The following ADGRB3 variants were observed in gnomAD, a reference collection of about 807,000 sequenced individuals.
The protein encoded by ADGRB3 is adhesion G protein-coupled receptor B3, also known as brain-specific angiogenesis inhibitor 3.
In ADGRB3, 37 loss-of-function variants were observed where a neutral mutation model predicts 193.4. That is an observed-to-expected ratio of 0.19 (90% CI 0.15 to 0.25). The LOEUF is 0.25. Ranked by LOEUF, ADGRB3 falls within the 10% of genes least tolerant of loss-of-function variation. The pLI, the probability that ADGRB3 is intolerant of heterozygous loss-of-function variation, is 1.00. For missense variants in ADGRB3, 1,637 were observed against 1,852.9 expected (o/e 0.88, Z 2.14); for synonymous variants, 690 against 644.2 (o/e 1.07, Z -1.08).
intron 28 of ADGRB3, among the ~76,000 whole-genome samples, chr6:69,360,429 C>A (rs762451875): frequency 1.3e-5 from 2 of 151,680 alleles, no homozygotes; most frequent in Non-Finnish European, 2.9e-5. Flanking sequence ...TTTTAATGAG[C>A]GTAACTTCTA....
At chr6:68,749,791 T>C (rs1299974262) in intron 3 of ADGRB3, among the ~76,000 whole-genome samples, 1 of 152,180 alleles carries the variant, frequency 6.6e-6, no homozygotes, top group Non-Finnish European at 1.5e-5. Flanking sequence ...CAAAATAGTC[T>C]GTATCTGGCA....
rs558610616 is a variant in ADGRB3 at position 69,208,384 on chromosome 6, C to T, written c.2481-24906C>T. 4.5e-4 allele frequency among the ~76,000 whole-genome samples: 68 copies of T among 152,350 alleles called. 1 individual carries two copies. Among genetic ancestry groups the T allele is most frequent in the African/African-American group, 1.5e-3 (64 of 41,590 alleles). On this transcript the variant is annotated intron_variant, in intron 17 of 31. Coordinates refer to ENST00000370598, the MANE Select transcript of ADGRB3 (RefSeq NM_001704.3). ...CACCAGTGTTCCAATCATGCTTCTTCCAAGTCCCTGACCATTCAGCCAAAC... is the reference window on the plus strand; with the variant it reads ...CACCAGTGTTCCAATCATGCTTCTTTCAAGTCCCTGACCATTCAGCCAAAC...
At chr6:68,657,886 A>G (rs551241385) in intron 3 of ADGRB3, among the ~76,000 whole-genome samples, 46 of 151,482 alleles carry the variant, frequency 3.0e-4, no homozygotes, top group Non-Finnish European at 5.0e-4. Context: ...ACTTAACCCC[A>G]AATGTATAAA....
intron 17 of ADGRB3, among the ~76,000 whole-genome samples, chr6:69,183,994 C>T (rs761262430): frequency 1.3e-5 from 2 of 152,016 alleles, no homozygotes; most frequent in Non-Finnish European, 2.9e-5. Context: ...TTCACAAAAA[C>T]TCAAGTGTGA....
intron 23 of ADGRB3, chr6:69,331,796 A>G (rs1281449109): frequency 3.0e-6 from 3 of 985,202 alleles, no homozygotes; most frequent in African/African-American, 1.7e-5. Flanking sequence ...AGGGGTGACA[A>G]ATTCCCTTAT....
intron 22 of ADGRB3, among the ~76,000 whole-genome samples, chr6:69,328,730 T>G (rs1386719339): frequency 6.6e-6 from 1 of 152,182 alleles, no homozygotes; most frequent in Non-Finnish European, 1.5e-5. Context: ...TCTGAAAAGT[T>G]TAAGACGCTC....
Position 69,189,395 on chromosome 6 carries a change from G to A in ADGRB3, c.2481-43895G>A, listed in dbSNP as rs576137831. Among the ~76,000 whole-genome samples, 9 of 152,230 alleles carry A rather than the reference G, an allele frequency of 5.9e-5. No individual in the cohort carries two copies. In the South Asian group the frequency reaches 1.9e-3, roughly 32 times the overall value. On this transcript the variant is annotated intron_variant, in intron 17 of 31. Transcript: ENST00000370598. Reference sequence around the variant, plus strand: ...AATTTCTACTTTTGTCCACATTGATGCTGTTTCATATTAAAGATTTTGAAT... The same window carrying A: ...AATTTCTACTTTTGTCCACATTGATACTGTTTCATATTAAAGATTTTGAAT...
intron 20 of ADGRB3, among the ~76,000 whole-genome samples, chr6:69,324,064 A>G (rs763488217): frequency 1.4e-4 from 21 of 152,142 alleles, no homozygotes; most frequent in South Asian, 6.2e-4. Context: ...TTTATAAAGC[A>G]ATTATACCAA....
intron 3 of ADGRB3, among the ~76,000 whole-genome samples, chr6:68,760,264 C>A (rs1356687683): frequency 6.6e-6 from 1 of 152,162 alleles, no homozygotes; most frequent in Non-Finnish European, 1.5e-5. Context: ...CATACACATA[C>A]ACACATACAC....
At chr6:69,221,521 T>C (rs1007382117) in intron 17 of ADGRB3, among the ~76,000 whole-genome samples, 24 of 152,068 alleles carry the variant, frequency 1.6e-4, no homozygotes, top group Non-Finnish European at 2.4e-4. Context: ...GTGCTTCTTC[T>C]GTGAACGCTT....
At chr6:68,937,472 T>C (rs796574323) in intron 5 of ADGRB3, among the ~76,000 whole-genome samples, 4 of 152,324 alleles carry the variant, frequency 2.6e-5, no homozygotes, top group African/African-American at 7.2e-5. Flanking sequence ...ATTTATCTTT[T>C]TGTCTAACCA....
At chr6:69,204,308 C>T (rs1418389997) in intron 17 of ADGRB3, among the ~76,000 whole-genome samples, 79 of 151,970 alleles carry the variant, frequency 5.2e-4, no homozygotes, top group Non-Finnish European at 1.0e-4. Context: ...TTTCCTGCAA[C>T]ACTAATAAAA....
intron 3 of ADGRB3, among the ~76,000 whole-genome samples, chr6:68,887,967 C>T (rs1270542060): frequency 2.6e-5 from 4 of 152,168 alleles, no homozygotes; most frequent in Non-Finnish European, 4.4e-5. Flanking sequence ...GAGTTTTCAC[C>T]CTTCTCATAT....
chr6:68,896,681 GA>G (rs1235851623), intron 3 of ADGRB3, among the ~76,000 whole-genome samples: 1 of 152,112 alleles, frequency 6.6e-6, no homozygotes, highest in Non-Finnish European at 1.5e-5. Flanking sequence ...TCAATTAGGG[GA>G]AAGAGAAAGG....
At chr6:68,924,259 G>T (rs1431930593) in intron 3 of ADGRB3, among the ~76,000 whole-genome samples, 1 of 151,968 alleles carries the variant, frequency 6.6e-6, no homozygotes, top group Non-Finnish European at 1.5e-5. Context: ...ATGAATTCTT[G>T]CATGGAAGAG....
chr6:68,950,210 T>C (rs1767879330), intron 6 of ADGRB3, among the ~76,000 whole-genome samples: 1 of 152,022 alleles, frequency 6.6e-6, no homozygotes, highest in Non-Finnish European at 1.5e-5. Context: ...CGCAATACCA[T>C]ACCCAACTAA....
chr6:69,057,725 G>A (rs1341693323), intron 15 of ADGRB3, among the ~76,000 whole-genome samples: 1 of 152,002 alleles, frequency 6.6e-6, no homozygotes, highest in Non-Finnish European at 1.5e-5. Context: ...TAAATGTGAT[G>A]TATTACACTG....
At chr6:69,281,510 G>T (rs1262166809) in intron 20 of ADGRB3, among the ~76,000 whole-genome samples, 2 of 152,160 alleles carry the variant, frequency 1.3e-5, no homozygotes, top group Admixed American at 1.3e-4. Context: ...CAGAGCAGTT[G>T]CCCCTCTTTC....
chr6:68,910,182 C>A (rs1284787112), intron 3 of ADGRB3, among the ~76,000 whole-genome samples: 1 of 152,134 alleles, frequency 6.6e-6, no homozygotes, highest in African/African-American at 2.4e-5. Flanking sequence ...TTTCATGTGT[C>A]TTTTGGCTGC....
Sources: gnomAD v4.1 joint callset for allele counts (sites outside exome capture counted in the v4.1 genomes callset) on GRCh38, gnomAD v4.1.1 for gene constraint, MANE v1.5 for transcripts, NCBI Gene and HGNC (gene_info 2026-07-23, HGNC 2026-07-21) for gene names.